The following SYNE1 variants were observed in gnomAD, a reference collection of about 807,000 sequenced individuals.
The protein encoded by SYNE1 is spectrin repeat containing nuclear envelope protein 1.
Under a neutral mutation model 1,111.0 loss-of-function variants are expected in SYNE1, and 616 were observed. The observed-to-expected ratio is 0.55, with a 90% confidence interval of 0.52 to 0.59. SYNE1 has a LOEUF of 0.59. SYNE1 is among the 20% of genes least tolerant of loss of function. The pLI is 0.00. For missense variants in SYNE1, 10,006 were observed against 10,417.0 expected, an observed-to-expected ratio of 0.96 and a Z score of 1.72; for synonymous variants, 3,855 against 3,825.8, an observed-to-expected ratio of 1.01 and a Z score of -0.28.
chr6:152,309,761 C>T (rs1562957489), intron 90 of SYNE1, 74 bp downstream of exon 90: 4 of 1,585,022 alleles, frequency 2.5e-6, no homozygotes, highest in Non-Finnish European at 3.4e-6. Context: ...GATGGCTGAG[C>T]CCACACAATG....
intron 145 of SYNE1, chr6:152,128,419 C>T (rs964087361): frequency 2.6e-5 from 4 of 152,158 alleles, no homozygotes; most frequent in African/African-American, 9.7e-5. Flanking sequence ...ATTTTGTAGG[C>T]CCAGGGCCTA....
At chr6:152,202,123 G>C (rs1021534225) in intron 126 of SYNE1, among the ~76,000 whole-genome samples, 174 bp from the exon 127 acceptor site, 1 of 152,008 alleles carries the variant, frequency 6.6e-6, no homozygotes, top group African/African-American at 2.4e-5. Flanking sequence ...GAGGCGGGTG[G>C]ATCACTCGAG....
rs551539971 is a variant in SYNE1 at position 152,289,736 on chromosome 6, C to T, written c.18012+3852G>A. Among the ~76,000 whole-genome samples the T allele has an allele frequency of 5.3e-5, 8 of 152,262 alleles. 1 individual carries two copies. In the South Asian group the frequency reaches 1.7e-3, roughly 31 times the overall value. ...CCGCCTCCCAGGTTCACGTCATTCT[C>T]CTGCCTCAGCCTCCCAAGTAGCTGG... is the stretch of plus-strand genomic sequence containing the variant. On this transcript the variant is annotated intron_variant, in intron 95 of 145. Coordinates refer to ENST00000367255, the MANE Select transcript of SYNE1 (RefSeq NM_182961.4).
chr6:152,188,525 A>T (rs574738716), intron 128 of SYNE1, among the ~76,000 whole-genome samples: 1 of 152,340 alleles, frequency 6.6e-6, no homozygotes, highest in South Asian at 2.1e-4. Context: ...ATTAAAAGTG[A>T]TAATAAATAT....
Position 152,579,859 on chromosome 6 carries a change from T to C in SYNE1, c.68-39838A>G, listed in dbSNP as rs907184203. On this transcript the variant is annotated intron_variant, in intron 3 of 145. Coordinates refer to ENST00000367255, the MANE Select transcript of SYNE1 (RefSeq NM_182961.4). ...TGCTGTAAATAACATGATTTCATTC[T>C]TGTTATGGCTGTGTATTATTCCATG... Among the ~76,000 whole-genome samples, 5 of 152,238 alleles carry C rather than the reference T, an allele frequency of 3.3e-5. No individual in the cohort carries two copies. The East Asian group carries it at 9.6e-4, about 29-fold the overall frequency.
At position 152,451,008 on chromosome 6, in the gene SYNE1, C is replaced by T. The variant is rs1015221761; in HGVS notation, c.3186+39G>A. The T allele has an allele frequency of 1.9e-6, 3 of 1,613,262 alleles. No homozygotes were observed. The African/African-American group carries it at 4.0e-5, about 22-fold the overall frequency. Reference sequence around the variant, plus strand: ...TAATATCCTTTATGGAACAATGTGACTTGACACGGCTATCCACATTGTGGT... The same window carrying T: ...TAATATCCTTTATGGAACAATGTGATTTGACACGGCTATCCACATTGTGGT... On this transcript the variant is annotated intron_variant, in intron 26 of 145. Transcript: ENST00000367255.
At chr6:152,508,171 A>G (rs979477431) in intron 8 of SYNE1, among the ~76,000 whole-genome samples, 4 of 152,246 alleles carry the variant, frequency 2.6e-5, no homozygotes, top group African/African-American at 9.6e-5. Flanking sequence ...AGCAGTTTTT[A>G]GAAAAAATTA....
chr6:152,429,264 C>T (rs951010756), intron 36 of SYNE1, among the ~76,000 whole-genome samples: 1 of 152,056 alleles, frequency 6.6e-6, no homozygotes, highest in African/African-American at 2.4e-5. Flanking sequence ...AGAAAAACAA[C>T]TTGCTTTAGG....
chr6:152,256,526 C>T lies in SYNE1; in HGVS notation c.19104+108G>A, dbSNP rs1484230711. On this transcript the variant is annotated intron_variant, in intron 102 of 145. Coordinates refer to ENST00000367255, the MANE Select transcript of SYNE1 (RefSeq NM_182961.4). ...TCAGCGCTTATCACTAGTGTTGGGTCTCATGCTCAGGGGTGGATGCAACAG... is the reference window on the plus strand; with the variant it reads ...TCAGCGCTTATCACTAGTGTTGGGTTTCATGCTCAGGGGTGGATGCAACAG... The T allele has an allele frequency of 2.1e-6, 3 of 1,455,934 alleles. No individual in the cohort carries two copies. In the African/African-American group the frequency reaches 4.2e-5, roughly 21 times the overall value. 90.2% of individuals were successfully genotyped at this position (1,455,934 alleles called of 1,614,324 possible).
At position 152,606,029 on chromosome 6, in the gene SYNE1, T is replaced by G. The variant is rs75253310; in HGVS notation, c.67+22236A>C. On this transcript the variant is annotated intron_variant, in intron 3 of 145. Transcript: ENST00000367255. ...AGAGCCAATTTCCCCTAGGATAATGTAGAGTATGTTAACATTACAAATCTG... is the reference window on the plus strand; with the variant it reads ...AGAGCCAATTTCCCCTAGGATAATGGAGAGTATGTTAACATTACAAATCTG... Among the ~76,000 whole-genome samples, 894 of 152,260 alleles carry G rather than the reference T, an allele frequency of 5.9e-3. 16 individuals are homozygous for G. The highest frequency in any genetic ancestry group is 0.021 in the African/African-American group (857 of 41,550).
intron 126 of SYNE1, among the ~76,000 whole-genome samples, chr6:152,202,489 T>C (rs2075709738): frequency 6.6e-6 from 1 of 152,074 alleles, no homozygotes; most frequent in Non-Finnish European, 1.5e-5. Flanking sequence ...ACTGACTCTG[T>C]TACTGACTAT....
intron 8 of SYNE1, among the ~76,000 whole-genome samples, chr6:152,508,246 C>A (rs2099068312): frequency 6.6e-6 from 1 of 152,176 alleles, no homozygotes. Context: ...AGAGAAAAGT[C>A]ATCGCCCCAA....
chr6:152,359,482 A>T, intron 64 of SYNE1, 24 bp from the exon 65 acceptor site: 3 of 1,614,130 alleles, frequency 1.9e-6, no homozygotes, highest in Non-Finnish European at 1.7e-6. Context: ...AAGAAAAATA[A>T]AGTGGCCATT....
chr6:152,433,246 C>T (rs757266557), intron 34 of SYNE1, among the ~76,000 whole-genome samples: 60 of 152,234 alleles, frequency 3.9e-4, no homozygotes, highest in Non-Finnish European at 3.7e-4. Flanking sequence ...AGTCTATCCA[C>T]CTGGTCATTT....
chr6:152,498,347 T>G (rs1460306940), intron 11 of SYNE1, among the ~76,000 whole-genome samples: 2 of 152,242 alleles, frequency 1.3e-5, no homozygotes, highest in Non-Finnish European at 2.9e-5. Context: ...AATACTTACC[T>G]TGTTCATTGA....
intron 107 of SYNE1, among the ~76,000 whole-genome samples, chr6:152,240,185 G>A (rs1433705272): frequency 1.3e-5 from 2 of 152,170 alleles, no homozygotes; most frequent in African/African-American, 2.4e-5. Flanking sequence ...GGGCAAAAAG[G>A]AAACACAGGG....
At chr6:152,488,071 T>C (rs2098950683) in intron 12 of SYNE1, among the ~76,000 whole-genome samples, 1 of 100,206 alleles carries the variant, frequency 1.0e-5, no homozygotes, top group African/African-American at 6.2e-5. Context: ...TGAGACTCCG[T>C]CTCAAAAAAA....
chr6:152,604,811 G>C (rs2099607163), intron 3 of SYNE1, among the ~76,000 whole-genome samples: 3 of 150,534 alleles, frequency 2.0e-5, no homozygotes, highest in African/African-American at 7.4e-5. Context: ...AAAAATAGCT[G>C]GGTGTGGTGG....
intron 141 of SYNE1, among the ~76,000 whole-genome samples, chr6:152,136,201 C>T (rs1273968614): frequency 2.6e-5 from 4 of 152,186 alleles, no homozygotes; most frequent in East Asian, 3.8e-4. Context: ...TTTAGCACCA[C>T]GTCTGCCATA....
Sources: allele counts gnomAD v4.1 joint callset (sites outside exome capture counted in the v4.1 genomes callset), GRCh38; gene constraint gnomAD v4.1.1; transcripts MANE v1.5; gene names NCBI Gene and HGNC (gene_info 2026-07-23, HGNC 2026-07-21).